Variants in RYR3 observed in about 807,000 individuals in gnomAD.
RYR3 encodes the protein ryanodine receptor 3.
A neutral mutation model predicts 584.3 loss-of-function variants in RYR3; 207 were observed. The observed-to-expected ratio is 0.35, with a 90% CI of 0.32 to 0.40. The LOEUF (loss-of-function observed/expected upper bound fraction) is 0.40, where lower values mean the gene tolerates loss of function less well. Among genes scored for constraint, RYR3 ranks in the 10% least tolerant of loss-of-function variants. The pLI is 1.00. For synonymous variants in RYR3, 2,416 were observed against 2,248.5 expected (o/e 1.07, Z -2.11); for missense variants, 5,616 against 6,089.2 (o/e 0.92, Z 2.59).
At chr15:33,380,617 A>T (rs1407573387) in intron 1 of RYR3, among the ~76,000 whole-genome samples, 3 of 152,204 alleles carry the variant, frequency 2.0e-5, no homozygotes, top group African/African-American at 7.2e-5. Context: ...AACTCATGTT[A>T]CTTGGGCTTC....
At chr15:33,557,095 T>C (rs1365509809) in intron 10 of RYR3, among the ~76,000 whole-genome samples, 1 of 152,348 alleles carries the variant, frequency 6.6e-6, no homozygotes, top group East Asian at 1.9e-4. Flanking sequence ...GAATTATACC[T>C]GGCTTTGGAA....
At chr15:33,490,740 T>C (rs992583822) in intron 2 of RYR3, among the ~76,000 whole-genome samples, 4 of 105,748 alleles carry the variant, frequency 3.8e-5, no homozygotes, top group Non-Finnish European at 2.1e-5. Context: ...AGTATTACTC[T>C]TGTTAAAAAA....
At chr15:33,588,656 G>A (rs923248849) in intron 16 of RYR3, among the ~76,000 whole-genome samples, 14 of 152,020 alleles carry the variant, frequency 9.2e-5, no homozygotes, top group African/African-American at 2.4e-4. Flanking sequence ...CTCTATGTCC[G>A]CATCTCCACA....
chr15:33,655,646 C>T (rs2062783417), intron 32 of RYR3, among the ~76,000 whole-genome samples: 1 of 152,080 alleles, frequency 6.6e-6, no homozygotes, highest in Non-Finnish European at 1.5e-5. Context: ...TCCTGATGAC[C>T]CTGCTCAGCG....
At position 33,631,218 on chromosome 15, in the gene RYR3, T is replaced by C. The variant is rs772863969; in HGVS notation, c.2792T>C (p.Leu931Ser). Residue 931 changes from leucine to serine, a missense_variant, in exon 23 of 104, where the codon TTG becomes TCG. Coordinates refer to ENST00000634891, the MANE Select transcript of RYR3 (RefSeq NM_001036.6). Reference sequence around the variant, plus strand: ...CTTCTGTTGTGTCACAGAACCCTCTTGGCCCTGGGGTGCCACATTGCTCAT... The same window carrying C: ...CTTCTGTTGTGTCACAGAACCCTCTCGGCCCTGGGGTGCCACATTGCTCAT... ...QMSTETLKTLLALGCHIAHVN... is the reference protein window; with the variant it reads ...QMSTETLKTLSALGCHIAHVN... The C allele has an allele frequency of 1.3e-6, 2 of 1,583,258 alleles. No individual in the cohort carries two copies. Among genetic ancestry groups the C allele is most frequent in the East Asian group, 2.3e-5 (1 of 43,856 alleles).
chr15:33,841,373 C>T (rs944510514), intron 90 of RYR3, among the ~76,000 whole-genome samples: 3 of 152,094 alleles, frequency 2.0e-5, no homozygotes, highest in Non-Finnish European at 4.4e-5. Context: ...TAATAAATAC[C>T]TTATATTTAT....
At chr15:33,693,213 C>T (rs919601443) in intron 38 of RYR3, among the ~76,000 whole-genome samples, 1 of 152,258 alleles carries the variant, frequency 6.6e-6, no homozygotes, top group Non-Finnish European at 1.5e-5. Context: ...ACTAGGAGTG[C>T]ATCCATACGT....
At chr15:33,518,837 C>G (rs545234827) in intron 3 of RYR3, among the ~76,000 whole-genome samples, 3 of 152,278 alleles carry the variant, frequency 2.0e-5, no homozygotes, top group South Asian at 4.1e-4. Context: ...TTAGACAACT[C>G]AAAACAACTC....
At chr15:33,742,304 T>C in intron 51 of RYR3, 62 bp from the exon 52 acceptor site, 1 of 1,041,180 alleles carries the variant, frequency 9.6e-7, no homozygotes, top group East Asian at 2.4e-5. Context: ...GTTCTGACTA[T>C]CTTCTACTAT....
chr15:33,706,796 C>T lies in RYR3; in HGVS notation c.6484-123C>T, dbSNP rs1596257779. The T allele has an allele frequency of 2.7e-5, 22 of 828,332 alleles. No homozygotes were observed. The East Asian group carries it at 5.5e-4, about 21-fold the overall frequency. The allele number at this position is 828,332 out of a possible 1,614,324, so 51.3% of individuals were successfully genotyped here. Reference sequence around the variant, plus strand: ...TGGCTGTACCATTTTACATTCTCACCAGCAATGCACAAGAGTTCCAACTTC... The same window carrying T: ...TGGCTGTACCATTTTACATTCTCACTAGCAATGCACAAGAGTTCCAACTTC... On this transcript the variant is annotated intron_variant, in intron 42 of 103. Transcript: ENST00000634891.
At chr15:33,614,979 G>T (rs2060377454) in intron 19 of RYR3, among the ~76,000 whole-genome samples, 1 of 152,000 alleles carries the variant, frequency 6.6e-6, no homozygotes, top group African/African-American at 2.4e-5. Context: ...CTATTTCTCT[G>T]CCTCTTTCCT....
At chr15:33,848,623 A>G (rs2078877950) in intron 94 of RYR3, among the ~76,000 whole-genome samples, 1 of 152,206 alleles carries the variant, frequency 6.6e-6, no homozygotes, top group African/African-American at 2.4e-5. Flanking sequence ...GGGACAGAAG[A>G]TATTATCAGA....
intron 50 of RYR3, 97 bp downstream of exon 50, chr15:33,738,687 G>T: frequency 7.3e-7 from 1 of 1,364,028 alleles, no homozygotes; most frequent in Non-Finnish European, 1.0e-6. Flanking sequence ...CCATTTGCCA[G>T]GACCTGTGCT....
intron 67 of RYR3, among the ~76,000 whole-genome samples, chr15:33,789,664 T>TG (rs2075016337): frequency 5.6e-5 from 1 of 17,762 alleles, no homozygotes; most frequent in African/African-American, 1.5e-4. Context: ...ATATATTTTT[T>TG]TTTTTTTTTT....
intron 1 of RYR3, among the ~76,000 whole-genome samples, chr15:33,471,725 G>A (rs1019499969): frequency 6.6e-6 from 1 of 151,876 alleles, no homozygotes; most frequent in South Asian, 2.1e-4. Context: ...TGGTGGGGGA[G>A]ACACATAACT....
At chr15:33,698,108 A>G (rs2065989876) in intron 40 of RYR3, 112 bp downstream of exon 40, 1 of 738,100 alleles carries the variant, frequency 1.4e-6, no homozygotes, top group Admixed American at 1.9e-5. Context: ...TCTTCCAGGG[A>G]GAGGAAGGGA....
At chr15:33,742,526 C>G (rs2070253049) in intron 52 of RYR3, 82 bp downstream of exon 52, 1 of 891,728 alleles carries the variant, frequency 1.1e-6, no homozygotes, top group Non-Finnish European at 1.9e-6. Flanking sequence ...TGGAAATCTG[C>G]CTGATTTGTC....
chr15:33,552,275 AG>A (rs1309281353), intron 10 of RYR3, among the ~76,000 whole-genome samples: 2 of 152,160 alleles, frequency 1.3e-5, no homozygotes, highest in African/African-American at 4.8e-5. Context: ...AAGCAAGGAA[AG>A]CTCAGAGCCC....
intron 87 of RYR3, 32 bp downstream of exon 87, chr15:33,835,104 G>C (rs1427661893): frequency 2.0e-6 from 3 of 1,502,636 alleles, no homozygotes; most frequent in African/African-American, 1.4e-5. Flanking sequence ...ACGTGTCATT[G>C]TTGTGAAATG....
Sources: allele counts gnomAD v4.1 joint callset (sites outside exome capture counted in the v4.1 genomes callset), GRCh38; gene constraint gnomAD v4.1.1; transcripts MANE v1.5; gene names NCBI Gene and HGNC (gene_info 2026-07-23, HGNC 2026-07-21).